PGR: variants seen among roughly 807,000 people sequenced by gnomAD.
PGR encodes progesterone receptor.
PGR carries 25 observed loss-of-function variants against 76.1 expected under a neutral mutation model. The observed-to-expected ratio is 0.33, with a 90% confidence interval of 0.24 to 0.46. The LOEUF (loss-of-function observed/expected upper bound fraction) is 0.46, where lower values mean the gene tolerates loss of function less well. Among genes scored for constraint, PGR ranks in the 20% least tolerant of loss-of-function variants. The probability of loss-of-function intolerance (pLI) is 1.00; values close to 1 mark genes in which losing one functional copy is unlikely to be tolerated. For synonymous variants in PGR, 579 were observed against 535.0 expected (o/e 1.08, Z -1.14); for missense variants, 1,172 against 1,225.3 (o/e 0.96, Z 0.65).
At chr11:101,090,740 G>T (rs1003354843) in intron 3 of PGR, among the ~76,000 whole-genome samples, 2 of 152,248 alleles carry the variant, frequency 1.3e-5, no homozygotes, top group African/African-American at 4.8e-5. Context: ...CTTTAATCAA[G>T]AAATTATAAA....
chr11:101,099,596 G>C (rs1861935800), intron 2 of PGR, among the ~76,000 whole-genome samples: 1 of 152,294 alleles, frequency 6.6e-6, no homozygotes, highest in East Asian at 1.9e-4. Flanking sequence ...AACCTAGAGA[G>C]TATTGTGATC....
chr11:101,059,623 C>T (rs1449037520), intron 4 of PGR, among the ~76,000 whole-genome samples: 1 of 151,636 alleles, frequency 6.6e-6, no homozygotes, highest in Non-Finnish European at 1.5e-5. Flanking sequence ...CACTTGAGTC[C>T]AGGAGTTCAA....
rs1451354555 is a variant in PGR at position 101,129,426 on chromosome 11, A to G, written c.-356T>C. Reference sequence around the variant, plus strand: ...CGAGGACTGGAGACGCAGAGTACTCACAAGTCCGGCACTTGAGTGGCTGCG... The same window carrying G: ...CGAGGACTGGAGACGCAGAGTACTCGCAAGTCCGGCACTTGAGTGGCTGCG... On this transcript the variant is annotated 5_prime_UTR_variant, in exon 1 of 8. Transcript: ENST00000325455. The G allele has an allele frequency of 2.1e-5, 6 of 284,144 alleles. No homozygotes were observed. Among genetic ancestry groups the G allele is most frequent in the Non-Finnish European group, 2.6e-5 (4 of 152,106 alleles). The allele number at this position is 284,144 out of a possible 1,614,324, so 17.6% of individuals were successfully genotyped here. A position where few individuals can be genotyped will look rare whatever the true frequency, so the allele number is the denominator to read the frequency against.
rs74949359 is a variant in PGR at position 101,115,262 on chromosome 11, C to A, written c.1789+10745G>T. On this transcript the variant is annotated intron_variant, in intron 2 of 7. Transcript: ENST00000325455. ...CTCAGCAGCCCATCTAGCATGCTAT[C>A]CTTTCCATAAAAACACATTTTGGTC... 1.0e-2 allele frequency among the ~76,000 whole-genome samples: 1,518 copies of A among 152,010 alleles called. 22 individuals are homozygous for A. Among genetic ancestry groups the A allele is most frequent in the African/African-American group, 0.035 (1,456 of 41,422 alleles).
chr11:101,066,661 T>C (rs1860728026), intron 3 of PGR, among the ~76,000 whole-genome samples: 1 of 152,228 alleles, frequency 6.6e-6, no homozygotes, highest in African/African-American at 2.4e-5. Context: ...AGAACTTTGA[T>C]GCATTGGTCC....
intron 3 of PGR, among the ~76,000 whole-genome samples, chr11:101,084,093 A>G (rs1861410534): frequency 1.3e-5 from 2 of 152,096 alleles, no homozygotes; most frequent in Non-Finnish European, 2.9e-5. Context: ...TGCTGTTGTC[A>G]TGATAGTGAG....
At chr11:101,120,975 T>C (rs1180911621) in intron 2 of PGR, among the ~76,000 whole-genome samples, 3 of 152,156 alleles carry the variant, frequency 2.0e-5, no homozygotes, top group Non-Finnish European at 4.4e-5. Context: ...AATAACCAAA[T>C]ATGAACAGAT....
intron 2 of PGR, among the ~76,000 whole-genome samples, chr11:101,124,693 C>T (rs1253841783): frequency 6.6e-6 from 1 of 152,016 alleles, no homozygotes; most frequent in Non-Finnish European, 1.5e-5. Flanking sequence ...CTCCAATTAC[C>T]CATTGGAAAA....
At chr11:101,075,904 G>A (rs1454978282) in intron 3 of PGR, among the ~76,000 whole-genome samples, 1 of 152,212 alleles carries the variant, frequency 6.6e-6, no homozygotes. Flanking sequence ...GTAGAAGACA[G>A]TGTGGTGATT....
At chr11:101,051,188 TAA>T (rs1860075731) in intron 5 of PGR, among the ~76,000 whole-genome samples, 1 of 152,096 alleles carries the variant, frequency 6.6e-6, no homozygotes, top group Non-Finnish European at 1.5e-5. Context: ...ATGAAACATT[TAA>T]GTTTATCTTT....
Position 101,062,451 on chromosome 11 carries a change from C to T in PGR, c.2208G>A (p.Leu736=), listed in dbSNP as rs1202671486. 5 of 1,610,384 alleles carry T rather than the reference C, an allele frequency of 3.1e-6. No homozygotes were observed. Among genetic ancestry groups the T allele is most frequent in the African/African-American group, 1.3e-5 (1 of 74,930 alleles). ...GTATATAAAAATTATTATTACCTGG[C>T]AATGATTTAGACCACTTGACTACTG... ...LLSVVKWSKS[L]PGFRNLHIDD... The change falls in exon 4 of 8, where the codon TTG becomes TTA. Residue 736 remains leucine (L), a synonymous_variant. Transcript: ENST00000325455.
At chr11:101,071,472 T>G (rs1174923616) in intron 3 of PGR, among the ~76,000 whole-genome samples, 1 of 152,006 alleles carries the variant, frequency 6.6e-6, no homozygotes, top group East Asian at 2.0e-4. Context: ...GGACGGAGAA[T>G]GAGTTTGACA....
intron 2 of PGR, among the ~76,000 whole-genome samples, chr11:101,123,831 TTA>T (rs1425939599): frequency 7.2e-5 from 11 of 152,206 alleles, no homozygotes; most frequent in African/African-American, 2.7e-4. Flanking sequence ...GAATCTTTAT[TTA>T]GATGTTTTAT....
intron 7 of PGR, among the ~76,000 whole-genome samples, chr11:101,041,062 G>T (rs555505608): frequency 6.6e-6 from 1 of 151,164 alleles, no homozygotes; most frequent in Non-Finnish European, 1.5e-5. Context: ...AATGTTTTCT[G>T]TTCTCATGTC....
intron 7 of PGR, among the ~76,000 whole-genome samples, chr11:101,041,343 A>G (rs1375597346): frequency 1.3e-5 from 2 of 152,096 alleles, no homozygotes; most frequent in African/African-American, 4.8e-5. Context: ...TGTATTTCAT[A>G]TATCTTGACA....
At chr11:101,089,671 G>T (rs1323551486) in intron 3 of PGR, among the ~76,000 whole-genome samples, 1 of 138,356 alleles carries the variant, frequency 7.2e-6, no homozygotes, top group Non-Finnish European at 1.6e-5. Flanking sequence ...GTGCAAATTA[G>T]AAAGCGATTG....
At chr11:101,064,301 A>G (rs1298558098) in intron 3 of PGR, among the ~76,000 whole-genome samples, 2 of 130,078 alleles carry the variant, frequency 1.5e-5, no homozygotes, top group Non-Finnish European at 3.1e-5. Context: ...ATTGCACTCC[A>G]GCCCAGGTGA....
At chr11:101,051,589 T>C (rs371072552) in intron 4 of PGR, 21 bp from the exon 5 acceptor site, 194 of 1,560,976 alleles carry the variant, frequency 1.2e-4, no homozygotes, top group Non-Finnish European at 1.6e-4. Context: ...AATTTAAAAA[T>C]ACAGTGACCA....
intron 2 of PGR, among the ~76,000 whole-genome samples, chr11:101,092,306 G>C (rs1861699750): frequency 6.6e-6 from 1 of 152,078 alleles, no homozygotes; most frequent in Non-Finnish European, 1.5e-5. Context: ...GAATTGAAGA[G>C]GCCTCTGGAA....
Sources: allele counts gnomAD v4.1 joint callset (sites outside exome capture counted in the v4.1 genomes callset), GRCh38; gene constraint gnomAD v4.1.1; transcripts MANE v1.5; gene names NCBI Gene and HGNC (gene_info 2026-07-23, HGNC 2026-07-21).